GABRB2: variants seen among roughly 807,000 people sequenced by gnomAD.
GABRB2 encodes the protein gamma-aminobutyric acid receptor subunit beta-2.
In GABRB2, 16 loss-of-function variants were observed where a neutral mutation model predicts 54.7. That is an observed-to-expected ratio of 0.29 (90% CI 0.20 to 0.44). The LOEUF (loss-of-function observed/expected upper bound fraction) is 0.44, where lower values mean the gene tolerates loss of function less well. Among genes scored for constraint, GABRB2 ranks in the 20% least tolerant of loss-of-function variants. GABRB2 has a pLI of 1.00. For synonymous variants in GABRB2, 244 were observed against 233.8 expected, an observed-to-expected ratio of 1.04 and a Z score of -0.40; for missense variants, 355 against 644.0, an observed-to-expected ratio of 0.55 and a Z score of 4.86.
At chr5:161,299,741 G>A (rs749022818) in intron 9 of GABRB2, among the ~76,000 whole-genome samples, 2 of 151,108 alleles carry the variant, frequency 1.3e-5, no homozygotes, top group Non-Finnish European at 2.9e-5. Context: ...TCTGTTATTT[G>A]CATTCCAAAG....
rs1295236011 is a variant in GABRB2 at position 161,410,878 on chromosome 5, G to T, written c.541+97C>A. 3.5e-6 allele frequency: 3 copies of T among 854,562 alleles called. No homozygotes were observed. In the African/African-American group the frequency reaches 5.1e-5, roughly 15 times the overall value. 52.9% of individuals were successfully genotyped at this position (854,562 alleles called of 1,614,324 possible). ...ATTTAGTTGGGCTAGCAGAACCTTT[G>T]CAGGGCCTGTGGTCTGGACATGAGC... is the stretch of plus-strand genomic sequence containing the variant. On this transcript the variant is annotated intron_variant, in intron 5 of 9. Coordinates refer to ENST00000393959, the MANE Select transcript of GABRB2 (RefSeq NM_001371727.1).
chr5:161,395,599 G>A (rs774830189), intron 5 of GABRB2, among the ~76,000 whole-genome samples: 14 of 152,102 alleles, frequency 9.2e-5, no homozygotes, highest in Admixed American at 3.3e-4. Context: ...AATGTTACAG[G>A]TACTTTGAGA....
At chr5:161,540,095 A>G (rs1295805138) in intron 3 of GABRB2, among the ~76,000 whole-genome samples, 1 of 152,214 alleles carries the variant, frequency 6.6e-6, no homozygotes, top group East Asian at 1.9e-4. Flanking sequence ...TTCCTTTCAC[A>G]AAAGATTTCT....
intron 4 of GABRB2, among the ~76,000 whole-genome samples, chr5:161,417,615 T>C (rs1304094204): frequency 1.3e-5 from 2 of 152,216 alleles, no homozygotes; most frequent in African/African-American, 4.8e-5. Context: ...ACATTACATG[T>C]TCTGTGACCT....
intron 4 of GABRB2, among the ~76,000 whole-genome samples, chr5:161,422,217 C>A (rs926804454): frequency 6.6e-6 from 1 of 152,042 alleles, no homozygotes; most frequent in Non-Finnish European, 1.5e-5. Context: ...ATGTTAAACA[C>A]AACTTTATTT....
chr5:161,505,610 G>A (rs1236670871), intron 3 of GABRB2, among the ~76,000 whole-genome samples: 1 of 152,108 alleles, frequency 6.6e-6, no homozygotes, highest in Non-Finnish European at 1.5e-5. Flanking sequence ...ATAGAGTGTA[G>A]CCCAGAAATG....
chr5:161,449,227 A>C (rs1170828236), intron 4 of GABRB2, among the ~76,000 whole-genome samples: 3 of 152,182 alleles, frequency 2.0e-5, no homozygotes, highest in African/African-American at 7.2e-5. Flanking sequence ...TTAGCAAGTT[A>C]CTTATTCCCC....
intron 5 of GABRB2, among the ~76,000 whole-genome samples, chr5:161,379,355 T>TTAC (rs1261452179): frequency 6.6e-6 from 1 of 152,158 alleles, no homozygotes; most frequent in Non-Finnish European, 1.5e-5. Context: ...ATTCCAAGAA[T>TTAC]TACTACTACA....
chr5:161,491,095 C>T lies in GABRB2; in HGVS notation c.238-31251G>A, dbSNP rs536574415. Among the ~76,000 whole-genome samples, 4 of 151,672 alleles carry T rather than the reference C, an allele frequency of 2.6e-5. No homozygotes were observed. In the East Asian group the frequency reaches 7.8e-4, roughly 29 times the overall value. ...TAAACTAATACTTACCAAATATGCCCATGACAGCAAAATTGATTTTTAAAA... is the reference window on the plus strand; with the variant it reads ...TAAACTAATACTTACCAAATATGCCTATGACAGCAAAATTGATTTTTAAAA... On this transcript the variant is annotated intron_variant, in intron 3 of 9. Transcript: ENST00000393959.
intron 3 of GABRB2, among the ~76,000 whole-genome samples, chr5:161,467,950 G>T (rs1758325926): frequency 6.6e-6 from 1 of 152,038 alleles, no homozygotes; most frequent in South Asian, 2.1e-4. Context: ...TTTCTAAAAT[G>T]TGCATATTCT....
chr5:161,313,641 G>T lies in GABRB2; in HGVS notation c.1191+12727C>A, dbSNP rs538897810. 4.7e-4 allele frequency among the ~76,000 whole-genome samples: 72 copies of T among 152,082 alleles called. 1 individual carries two copies. The highest frequency in any genetic ancestry group is 1.7e-3 in the African/African-American group (69 of 41,496). On this transcript the variant is annotated intron_variant, in intron 9 of 9. Coordinates refer to ENST00000393959, the MANE Select transcript of GABRB2 (RefSeq NM_001371727.1). ...TTCTGCCCTTGTGATCACTTTCCTGGTAGATATCAACTTCAAAGTTACCAC... is the reference window on the plus strand; with the variant it reads ...TTCTGCCCTTGTGATCACTTTCCTGTTAGATATCAACTTCAAAGTTACCAC...
At chr5:161,446,776 C>T (rs552347800) in intron 4 of GABRB2, among the ~76,000 whole-genome samples, 5 of 152,244 alleles carry the variant, frequency 3.3e-5, no homozygotes, top group African/African-American at 1.2e-4. Context: ...AAAACAACCC[C>T]TGTGTCTTTG....
intron 3 of GABRB2, among the ~76,000 whole-genome samples, chr5:161,541,883 C>G (rs1370391815): frequency 6.6e-6 from 1 of 152,210 alleles, no homozygotes; most frequent in African/African-American, 2.4e-5. Flanking sequence ...AACTTGGCTG[C>G]TTTGAGCAAG....
intron 3 of GABRB2, among the ~76,000 whole-genome samples, chr5:161,542,025 T>C (rs1379628197): frequency 1.3e-5 from 2 of 152,178 alleles, no homozygotes; most frequent in East Asian, 1.9e-4. Flanking sequence ...AATTTCCATA[T>C]TGTTGTGTCT....
At chr5:161,480,891 T>C (rs1212131043) in intron 3 of GABRB2, among the ~76,000 whole-genome samples, 1 of 152,024 alleles carries the variant, frequency 6.6e-6, no homozygotes, top group Non-Finnish European at 1.5e-5. Flanking sequence ...TTTTAGCATA[T>C]CTTAAGGAAA....
chr5:161,460,501 G>A (rs1758091495), intron 3 of GABRB2, among the ~76,000 whole-genome samples: 2 of 152,124 alleles, frequency 1.3e-5, no homozygotes, highest in African/African-American at 4.8e-5. Flanking sequence ...ATTACCTAAT[G>A]ATTAATTTGT....
intron 9 of GABRB2, among the ~76,000 whole-genome samples, chr5:161,312,093 C>A (rs1359218858): frequency 6.6e-6 from 1 of 151,984 alleles, no homozygotes; most frequent in African/African-American, 2.4e-5. Context: ...ACTGACTAAA[C>A]CCTCAGGGGA....
chr5:161,490,916 T>C lies in GABRB2; in HGVS notation c.238-31072A>G, dbSNP rs139446473. Among the ~76,000 whole-genome samples, 494 of 151,802 alleles carry C rather than the reference T, an allele frequency of 3.3e-3. 2 individuals carry two copies. The highest frequency in any genetic ancestry group is 5.4e-3 in the Non-Finnish European group (368 of 67,726). On this transcript the variant is annotated intron_variant, in intron 3 of 9. Coordinates refer to ENST00000393959, the MANE Select transcript of GABRB2 (RefSeq NM_001371727.1). ...CAAATAACCGTCAGGTTAATGCCAA[T>C]TGAGAGATTTGCTTCCTCACTCTAG...
intron 5 of GABRB2, among the ~76,000 whole-genome samples, chr5:161,337,873 T>C (rs902665480): frequency 6.6e-6 from 1 of 152,166 alleles, no homozygotes; most frequent in Non-Finnish European, 1.5e-5. Context: ...CTTTTGCATC[T>C]GGATAGTTGA....
Sources: gnomAD v4.1 joint callset for allele counts (sites outside exome capture counted in the v4.1 genomes callset) on GRCh38, gnomAD v4.1.1 for gene constraint, MANE v1.5 for transcripts, NCBI Gene and HGNC (gene_info 2026-07-23, HGNC 2026-07-21) for gene names.